Variants in PLA2G12B observed in about 807,000 individuals in gnomAD.
PLA2G12B encodes group XIIB secretory phospholipase A2-like protein.
In PLA2G12B, 19 loss-of-function variants were observed where a neutral mutation model predicts 22.3. The observed-to-expected ratio is 0.85, with a 90% CI of 0.60 to 1.25. The LOEUF (loss-of-function observed/expected upper bound fraction) is 1.25. PLA2G12B is among the 50% of genes most tolerant of loss of function. The pLI is 0.00. For missense variants in PLA2G12B, 191 were observed against 246.6 expected (o/e 0.77, Z 1.51); for synonymous variants, 81 against 94.9 (o/e 0.85, Z 0.85).
At position 72,954,515 on chromosome 10, in the gene PLA2G12B, C is replaced by T. The variant is rs1846585887; in HGVS notation, c.171G>A (p.Leu57=). 3.1e-6 allele frequency: 5 copies of T among 1,614,204 alleles called. No homozygotes were observed. Among genetic ancestry groups the T allele is most frequent in the Non-Finnish European group, 3.4e-6 (4 of 1,180,046 alleles). ...NSYFDSFLEL[L]GGKNGVCQYR... is the part of the protein sequence containing the mutation. ...ACTGACAGACTCCATTCTTCCCTCC[C>T]AGCAGCTCCAGAAAAGAATCGAAGT... The change falls in exon 1 of 4, where the codon CTG becomes CTA. Residue 57 remains leucine (L), a synonymous_variant. Transcript: ENST00000373032.
intron 3 of PLA2G12B, 81 bp downstream of exon 3, chr10:72,941,088 G>A: frequency 7.1e-7 from 1 of 1,409,134 alleles, no homozygotes; most frequent in South Asian, 1.3e-5. Context: ...ATCTCTTCGA[G>A]TCAAGGGGTT....
chr10:72,942,169 T>G (rs1254437833), intron 2 of PLA2G12B, among the ~76,000 whole-genome samples: 1 of 135,608 alleles, frequency 7.4e-6, no homozygotes, highest in African/African-American at 3.7e-5. Flanking sequence ...TGTGTGTGTG[T>G]GTGTGTGTGT....
chr10:72,951,452 CT>C (rs71482537), intron 1 of PLA2G12B, among the ~76,000 whole-genome samples: 2,058 of 117,080 alleles, frequency 0.018, 28 homozygotes, highest in African/African-American at 0.068. Context: ...GCACAGACTC[CT>C]TTTTTTTTTT....
At chr10:72,953,859 A>C (rs1846571955) in intron 1 of PLA2G12B, among the ~76,000 whole-genome samples, 1 of 152,190 alleles carries the variant, frequency 6.6e-6, no homozygotes, top group Admixed American at 6.5e-5. Context: ...TCTCCACAGC[A>C]TGCCTGTCGT....
At chr10:72,942,496 A>G (rs1360362952) in intron 2 of PLA2G12B, among the ~76,000 whole-genome samples, 156 bp downstream of exon 2, 6 of 152,220 alleles carry the variant, frequency 3.9e-5, no homozygotes, top group Non-Finnish European at 8.8e-5. Flanking sequence ...GAAATCAGAT[A>G]TCTTCTTTAA....
At chr10:72,941,404 C>A (rs944875796) in intron 2 of PLA2G12B, 70 bp from the exon 3 acceptor site, 1 of 1,449,332 alleles carries the variant, frequency 6.9e-7, no homozygotes, top group Non-Finnish European at 9.5e-7. Context: ...CCTTAGGCAA[C>A]CTTGCCCACC....
chr10:72,954,550 C>T lies in PLA2G12B; in HGVS notation c.136G>A (p.Val46Ile), dbSNP rs372066733. The T allele has an allele frequency of 2.9e-5, 47 of 1,614,072 alleles. No individual in the cohort carries two copies. The highest frequency in any genetic ancestry group is 1.6e-4 in the East Asian group (7 of 44,878). The change falls in exon 1 of 4, where the codon GTC becomes ATC. Residue 46 changes from valine to isoleucine, a missense_variant. Val to Ile is a conservative substitution (Grantham distance 29). Coordinates refer to ENST00000373032, the MANE Select transcript of PLA2G12B (RefSeq NM_032562.5). ...LRHLRGSFES[V>I]NSYFDSFLEL... The stretch of plus-strand genomic sequence containing the variant: ...AGAAAAGAATCGAAGTAGCTATTGA[C>T]GGATTCAAAGCTTCCCCGGAGGTGC...
rs182885270 is a variant in PLA2G12B at position 72,950,624 on chromosome 10, G to T, written c.211+3851C>A. Among the ~76,000 whole-genome samples the T allele has an allele frequency of 4.8e-4, 73 of 152,072 alleles. No homozygotes were observed. The East Asian group carries it at 0.014, about 29-fold the overall frequency. ...GCCTCCCAGGTAGCTGGGATTACAG[G>T]GCGCGCCACCACGCCCGGCTAATTT... On this transcript the variant is annotated intron_variant, in intron 1 of 3. Coordinates refer to ENST00000373032, the MANE Select transcript of PLA2G12B (RefSeq NM_032562.5).
chr10:72,954,120 C>T (rs538957288), intron 1 of PLA2G12B, among the ~76,000 whole-genome samples: 1 of 152,136 alleles, frequency 6.6e-6, no homozygotes, highest in Non-Finnish European at 1.5e-5. Flanking sequence ...TTCTTCCCAC[C>T]CCAGGTACCC....
chr10:72,937,585 C>A (rs1048456648), intron 3 of PLA2G12B, among the ~76,000 whole-genome samples: 2 of 152,104 alleles, frequency 1.3e-5, no homozygotes, highest in Non-Finnish European at 2.9e-5. Flanking sequence ...AAAGACATCA[C>A]AAAAATAACA....
intron 1 of PLA2G12B, among the ~76,000 whole-genome samples, chr10:72,953,079 A>C (rs1846558120): frequency 6.6e-6 from 1 of 152,210 alleles, no homozygotes; most frequent in Non-Finnish European, 1.5e-5. Flanking sequence ...GTGTGAGCAT[A>C]ATCCAGTGGC....
rs147351134 is a variant in PLA2G12B, at chr10:72,954,536, G to A, written c.150C>T (p.Phe50=). The change falls in exon 1 of 4, where the codon TTC becomes TTT. Residue 50 remains phenylalanine (F), a synonymous_variant. Transcript: ENST00000373032. The stretch of plus-strand genomic sequence containing the variant: ...CTCCCAGCAGCTCCAGAAAAGAATC[G>A]AAGTAGCTATTGACGGATTCAAAGC... The part of the protein sequence containing the change: ...RGSFESVNSY[F]DSFLELLGGK... 713 of 1,614,172 alleles carry A rather than the reference G, an allele frequency of 4.4e-4. 6 individuals carry two copies. In the East Asian group the frequency reaches 0.012, roughly 28 times the overall value.
chr10:72,948,849 A>G (rs925395439), intron 1 of PLA2G12B, among the ~76,000 whole-genome samples: 1 of 152,262 alleles, frequency 6.6e-6, no homozygotes, highest in South Asian at 2.1e-4. Context: ...GTGAAATACC[A>G]TAAAAGTCTT....
chr10:72,949,809 C>T (rs1448400398), intron 1 of PLA2G12B, among the ~76,000 whole-genome samples: 1 of 152,088 alleles, frequency 6.6e-6, no homozygotes, highest in African/African-American at 2.4e-5. Context: ...AAACCCCCGT[C>T]TCTACTAAAA....
At chr10:72,943,301 G>C (rs1301275268) in intron 1 of PLA2G12B, among the ~76,000 whole-genome samples, 1 of 152,096 alleles carries the variant, frequency 6.6e-6, no homozygotes, top group East Asian at 1.9e-4. Context: ...TGTTTTTTAA[G>C]TGCATAACAT....
At chr10:72,939,445 T>C (rs150617817) in intron 3 of PLA2G12B, among the ~76,000 whole-genome samples, 69 of 152,228 alleles carry the variant, frequency 4.5e-4, no homozygotes, top group African/African-American at 1.6e-3. Flanking sequence ...TAAGCGATCT[T>C]TGAAAATGCT....
Position 72,935,498 on chromosome 10 carries a change from C to T in PLA2G12B, c.*119G>A. 2 of 1,413,446 alleles carry T rather than the reference C, an allele frequency of 1.4e-6. No individual in the cohort carries two copies. Among genetic ancestry groups the T allele is most frequent in the Non-Finnish European group, 1.9e-6 (2 of 1,047,060 alleles). 87.6% of individuals were successfully genotyped at this position (1,413,446 alleles called of 1,614,324 possible). A position where few individuals can be genotyped will look rare whatever the true frequency, so the allele number is the denominator to read the frequency against. ...GCTGTAGAAAAATGTTCCCTTTCTC[C>T]TGCTTTGTGGTGTCCAAACTGTTGG... On this transcript the variant is annotated 3_prime_UTR_variant, in exon 4 of 4. Transcript: ENST00000373032.
chr10:72,954,691 A>G lies in PLA2G12B; in HGVS notation c.-6T>C, dbSNP rs753688206. ...AAGCCACTGGCCAGCTTCATCCTGC[A>G]GCCAGGTAGGTACTGGCTTCTCTCC... is the stretch of plus-strand genomic sequence containing the variant. On this transcript the variant is annotated 5_prime_UTR_variant, in exon 1 of 4. Transcript: ENST00000373032. The G allele has an allele frequency of 6.2e-7, 1 of 1,613,652 alleles. No homozygotes were observed. Among genetic ancestry groups the G allele is most frequent in the African/African-American group, 1.3e-5 (1 of 74,944 alleles).
At chr10:72,943,272 T>A (rs1846390884) in intron 1 of PLA2G12B, among the ~76,000 whole-genome samples, 1 of 152,122 alleles carries the variant, frequency 6.6e-6, no homozygotes, top group Non-Finnish European at 1.5e-5. Context: ...AATAAGCACT[T>A]ATTTACTGAC....
Sources: allele counts gnomAD v4.1 joint callset (sites outside exome capture counted in the v4.1 genomes callset), GRCh38; gene constraint gnomAD v4.1.1; transcripts MANE v1.5; gene names NCBI Gene and HGNC (gene_info 2026-07-23, HGNC 2026-07-21).